Variants in FAM171A1 observed in about 807,000 individuals in gnomAD.
FAM171A1 encodes protein FAM171A1.
A neutral mutation model predicts 74.9 loss-of-function variants in FAM171A1; 23 were observed. The ratio of observed to expected loss-of-function variants is 0.31; its 90% CI spans 0.22 to 0.44. FAM171A1 has a LOEUF of 0.44. FAM171A1 is among the 20% of genes least tolerant of loss of function. FAM171A1 has a pLI of 1.00. For synonymous variants in FAM171A1, 527 were observed against 505.7 expected, an observed-to-expected ratio of 1.04 and a Z score of -0.57; for missense variants, 1,162 against 1,159.2, an observed-to-expected ratio of 1.00 and a Z score of -0.03.
At chr10:15,233,521 GGTGTGTGTGTGTGTGTGTGT>G (rs61637156) in intron 5 of FAM171A1, among the ~76,000 whole-genome samples, 17 of 145,282 alleles carry the variant, frequency 1.2e-4, no homozygotes, top group Non-Finnish European at 7.5e-5. Context: ...GTGTATTCAG[GGTGTGTGTGTGTGTGTGTGT>G]GTGTGTGTGT....
intron 1 of FAM171A1, among the ~76,000 whole-genome samples, chr10:15,299,838 C>T (rs891736678): frequency 6.6e-6 from 1 of 151,882 alleles, no homozygotes; most frequent in Non-Finnish European, 1.5e-5. Flanking sequence ...ATTAGACGGG[C>T]GTGGTGGTGG....
rs560106791 is a variant in FAM171A1, at chr10:15,263,435, G to A, written c.419-8556C>T. Reference sequence around the variant, plus strand: ...AAAACACTCTCCAAGAAAATGATTCGTATAATTTACGAGTGTTCTCTCTTT... The same window carrying A: ...AAAACACTCTCCAAGAAAATGATTCATATAATTTACGAGTGTTCTCTCTTT... On this transcript the variant is annotated intron_variant, in intron 3 of 7. Transcript: ENST00000378116. Among the ~76,000 whole-genome samples, 42 of 152,306 alleles carry A rather than the reference G, an allele frequency of 2.8e-4. No individual in the cohort carries two copies. The South Asian group carries it at 2.9e-3, about 11-fold the overall frequency.
At chr10:15,327,314 G>A (rs904567296) in intron 1 of FAM171A1, among the ~76,000 whole-genome samples, 5 of 152,152 alleles carry the variant, frequency 3.3e-5, no homozygotes, top group African/African-American at 1.2e-4. Context: ...CATGTGCTCA[G>A]CGCTCACTAG....
chr10:15,243,756 T>C (rs1414794474), intron 5 of FAM171A1, among the ~76,000 whole-genome samples: 1 of 151,618 alleles, frequency 6.6e-6, no homozygotes, highest in Non-Finnish European at 1.5e-5. Context: ...AACGTGTACA[T>C]ATACATATAT....
At chr10:15,302,946 T>C (rs1835249899) in intron 1 of FAM171A1, among the ~76,000 whole-genome samples, 1 of 152,190 alleles carries the variant, frequency 6.6e-6, no homozygotes, top group East Asian at 1.9e-4. Context: ...CCCAGCACTT[T>C]GGGAGGCCGA....
chr10:15,244,987 G>T (rs1229384860), intron 5 of FAM171A1, among the ~76,000 whole-genome samples: 2 of 152,104 alleles, frequency 1.3e-5, no homozygotes, highest in African/African-American at 4.8e-5. Context: ...GGTTAAATAT[G>T]TCCAGATGTG....
intron 1 of FAM171A1, among the ~76,000 whole-genome samples, chr10:15,301,771 C>CTCTG (rs1213089238): frequency 6.6e-6 from 1 of 152,202 alleles, no homozygotes; most frequent in African/African-American, 2.4e-5. Flanking sequence ...CATCCCTTAT[C>CTCTG]TCTGACCGGG....
intron 2 of FAM171A1, among the ~76,000 whole-genome samples, chr10:15,279,678 G>T (rs902302609): frequency 4.6e-5 from 7 of 152,150 alleles, no homozygotes; most frequent in African/African-American, 7.2e-5. Context: ...TCAGCACTTT[G>T]GGAGTCCAAG....
At chr10:15,320,481 A>G (rs1168992170) in intron 1 of FAM171A1, among the ~76,000 whole-genome samples, 10 of 152,206 alleles carry the variant, frequency 6.6e-5, no homozygotes, top group Admixed American at 6.5e-4. Flanking sequence ...CTTTAGGTAT[A>G]AATGTAATGG....
chr10:15,268,904 T>A (rs529499037), intron 3 of FAM171A1, among the ~76,000 whole-genome samples: 12 of 152,176 alleles, frequency 7.9e-5, no homozygotes, highest in African/African-American at 2.9e-4. Context: ...CAGCCAGGTG[T>A]GGTGGTGCTT....
At chr10:15,301,558 T>C (rs1835229515) in intron 1 of FAM171A1, among the ~76,000 whole-genome samples, 1 of 152,030 alleles carries the variant, frequency 6.6e-6, no homozygotes, top group Non-Finnish European at 1.5e-5. Context: ...AGTGTCTCCC[T>C]CTAGAGCAAA....
intron 1 of FAM171A1, among the ~76,000 whole-genome samples, chr10:15,345,690 C>T (rs1033010214): frequency 1.3e-5 from 2 of 152,126 alleles, no homozygotes; most frequent in Non-Finnish European, 2.9e-5. Flanking sequence ...CTAGAGAGGT[C>T]AGGCCTGGGA....
intron 1 of FAM171A1, among the ~76,000 whole-genome samples, chr10:15,352,724 A>G (rs780896765): frequency 6.6e-6 from 1 of 152,240 alleles, no homozygotes; most frequent in African/African-American, 2.4e-5. Flanking sequence ...CACAAGTTAC[A>G]GCACAAGAAT....
chr10:15,327,983 C>T (rs1835577175), intron 1 of FAM171A1, among the ~76,000 whole-genome samples: 1 of 150,506 alleles, frequency 6.6e-6, no homozygotes, highest in Non-Finnish European at 1.5e-5. Context: ...TAATCTCGGT[C>T]TAAAACTCTC....
At chr10:15,321,595 G>T (rs1198198582) in intron 1 of FAM171A1, among the ~76,000 whole-genome samples, 1 of 152,034 alleles carries the variant, frequency 6.6e-6, no homozygotes, top group Non-Finnish European at 1.5e-5. Context: ...CAACCACAAA[G>T]AAAAACCAAA....
intron 1 of FAM171A1, among the ~76,000 whole-genome samples, chr10:15,368,027 T>C (rs1320890330): frequency 6.6e-6 from 1 of 152,182 alleles, no homozygotes; most frequent in Non-Finnish European, 1.5e-5. Context: ...AAAATCAAAA[T>C]GGGTCAATAC....
chr10:15,249,538 T>G (rs565939933), intron 4 of FAM171A1, among the ~76,000 whole-genome samples: 1 of 152,226 alleles, frequency 6.6e-6, no homozygotes, highest in Non-Finnish European at 1.5e-5. Flanking sequence ...CATGCACATG[T>G]TAATTACTTG....
At chr10:15,284,844 A>G (rs1835016417) in intron 1 of FAM171A1, among the ~76,000 whole-genome samples, 1 of 152,110 alleles carries the variant, frequency 6.6e-6, no homozygotes, top group South Asian at 2.1e-4. Flanking sequence ...GTGCACTGGT[A>G]ATCACAAAGG....
At chr10:15,367,823 AAT>A (rs1350880555) in intron 1 of FAM171A1, among the ~76,000 whole-genome samples, 1 of 152,226 alleles carries the variant, frequency 6.6e-6, no homozygotes, top group African/African-American at 2.4e-5. Flanking sequence ...CCAGCGACAA[AAT>A]AAACATCATC....
Sources: gnomAD v4.1 joint callset for allele counts (sites outside exome capture counted in the v4.1 genomes callset) on GRCh38, gnomAD v4.1.1 for gene constraint, MANE v1.5 for transcripts, NCBI Gene and HGNC (gene_info 2026-07-23, HGNC 2026-07-21) for gene names.